RDX: variants seen among roughly 807,000 people sequenced by gnomAD.
The protein encoded by RDX is deafness, autosomal recessive 24.
RDX carries 32 observed loss-of-function variants against 83.7 expected under a neutral mutation model. The ratio of observed to expected loss-of-function variants is 0.38; its 90% CI spans 0.29 to 0.51. The LOEUF is 0.51. Ranked by LOEUF, RDX falls within the 20% of genes least tolerant of loss-of-function variation. The pLI is 0.87. For missense variants in RDX, 600 were observed against 689.9 expected (o/e 0.87, Z 1.46); for synonymous variants, 229 against 222.7 (o/e 1.03, Z -0.25).
intron 2 of RDX, among the ~76,000 whole-genome samples, chr11:110,279,271 G>A (rs972738869): frequency 2.0e-5 from 3 of 152,140 alleles, no homozygotes; most frequent in African/African-American, 7.2e-5. Context: ...GCAGAACCAA[G>A]GTAACAACTA....
chr11:110,247,208 T>C (rs1859147695), intron 10 of RDX, among the ~76,000 whole-genome samples: 2 of 152,208 alleles, frequency 1.3e-5, no homozygotes, highest in Admixed American at 6.5e-5. Context: ...AAAAACGTTA[T>C]AACACGTCTA....
chr11:110,269,905 G>A (rs1276813997), intron 3 of RDX, among the ~76,000 whole-genome samples: 1 of 152,104 alleles, frequency 6.6e-6, no homozygotes, highest in East Asian at 1.9e-4. Flanking sequence ...AGCCGGGCAT[G>A]GTGGAGCACA....
At chr11:110,209,163 T>C (rs576278242) in intron 14 of RDX, among the ~76,000 whole-genome samples, 30 of 152,164 alleles carry the variant, frequency 2.0e-4, no homozygotes, top group Admixed American at 3.9e-4. Context: ...GGGCGAGGCA[T>C]TGCCTCACTT....
chr11:110,267,111 C>A (rs1302554528), intron 3 of RDX, among the ~76,000 whole-genome samples: 1 of 152,044 alleles, frequency 6.6e-6, no homozygotes, highest in Non-Finnish European at 1.5e-5. Flanking sequence ...ACTATGTTGC[C>A]CAGGCTGGTC....
At chr11:110,278,565 AT>A (rs537252822) in intron 2 of RDX, among the ~76,000 whole-genome samples, 55 of 151,524 alleles carry the variant, frequency 3.6e-4, no homozygotes, top group African/African-American at 8.5e-4. Context: ...AAGGCCATTG[AT>A]TTTTTTTTAA....
At chr11:110,272,869 A>G in intron 2 of RDX, 2 of 518,476 alleles carry the variant, frequency 3.9e-6, no homozygotes, top group Non-Finnish European at 7.3e-6. Context: ...AGGAGATACT[A>G]CCTTTATTTC....
At chr11:110,246,478 A>C (rs1859110134) in intron 10 of RDX, among the ~76,000 whole-genome samples, 1 of 152,214 alleles carries the variant, frequency 6.6e-6, no homozygotes, top group South Asian at 2.1e-4. Flanking sequence ...CATGGCATTC[A>C]AAGAAAATGC....
chr11:110,237,858 A>G (rs1864926453), intron 10 of RDX: 1 of 637,904 alleles, frequency 1.6e-6, no homozygotes, highest in Non-Finnish European at 2.9e-6. Context: ...TGCAGCCTCG[A>G]ACTCATGGGC....
At chr11:110,193,764 A>G (rs1341163691) in intron 15 of RDX, among the ~76,000 whole-genome samples, 1 of 152,238 alleles carries the variant, frequency 6.6e-6, no homozygotes, top group Non-Finnish European at 1.5e-5. Context: ...ACTACTAATT[A>G]GTGGCAGAGC....
intron 15 of RDX, among the ~76,000 whole-genome samples, chr11:110,176,113 T>G (rs1862769299): frequency 6.7e-6 from 1 of 149,684 alleles, no homozygotes; most frequent in Non-Finnish European, 1.5e-5. Context: ...TGAGGCAGAG[T>G]CTCGCTCTGT....
At chr11:110,208,389 C>T (rs1863683000) in intron 14 of RDX, among the ~76,000 whole-genome samples, 1 of 152,200 alleles carries the variant, frequency 6.6e-6, no homozygotes, top group African/African-American at 2.4e-5. Context: ...TGGCCACCCT[C>T]CTCGCTGGCT....
At chr11:110,256,935 C>T (rs1859570041) in intron 7 of RDX, among the ~76,000 whole-genome samples, 1 of 151,828 alleles carries the variant, frequency 6.6e-6, no homozygotes, top group African/African-American at 2.4e-5. Flanking sequence ...ATTCTGGAGC[C>T]AACCTAGAAT....
chr11:110,260,835 C>T (rs1240743137), intron 5 of RDX, among the ~76,000 whole-genome samples: 2 of 152,208 alleles, frequency 1.3e-5, no homozygotes, highest in African/African-American at 4.8e-5. Context: ...ATTATTACTA[C>T]TATGTAGTAT....
chr11:110,203,573 A>G (rs1863493311), intron 14 of RDX, among the ~76,000 whole-genome samples: 1 of 152,080 alleles, frequency 6.6e-6, no homozygotes, highest in African/African-American at 2.4e-5. Flanking sequence ...GAGGGGATGG[A>G]TACCCCATTT....
intron 15 of RDX, among the ~76,000 whole-genome samples, chr11:110,194,409 G>A (rs566414815): frequency 6.6e-6 from 1 of 152,126 alleles, no homozygotes; most frequent in Non-Finnish European, 1.5e-5. Context: ...TAGTAGAGAC[G>A]GGGTTTTGCC....
At chr11:110,278,622 T>A (rs1860614591) in intron 2 of RDX, among the ~76,000 whole-genome samples, 1 of 152,174 alleles carries the variant, frequency 6.6e-6, no homozygotes, top group African/African-American at 2.4e-5. Flanking sequence ...TTATTGGTTC[T>A]AGTATTGTTT....
rs759999873 is a variant in RDX at position 110,264,802 on chromosome 11, T to C, written c.169A>G (p.Thr57Ala). The C allele has an allele frequency of 1.2e-6, 2 of 1,613,184 alleles. No individual in the cohort carries two copies. Among genetic ancestry groups the C allele is most frequent in the Non-Finnish European group, 8.5e-7 (1 of 1,179,304 alleles). Residue 57 changes from threonine (T) to alanine (A), a missense_variant, in exon 4 of 14, where the codon ACA (threonine) becomes GCA (alanine). Transcript: ENST00000645495. ...LQYVDSKGYSTWLKLNKKVTQ... is the reference protein window; with the variant it reads ...LQYVDSKGYSAWLKLNKKVTQ... ...ACCTTTTTATTTAGTTTAAGCCATG[T>C]AGAATAACCTTTGCTGTCTACATAC...
chr11:110,234,703 A>G (rs1464092018), intron 12 of RDX, among the ~76,000 whole-genome samples: 1 of 152,186 alleles, frequency 6.6e-6, no homozygotes, highest in Admixed American at 6.5e-5. Flanking sequence ...ATTCTAATAA[A>G]CAAGTAGAGT....
chr11:110,287,832 T>C (rs1008511606), intron 1 of RDX, among the ~76,000 whole-genome samples: 1 of 152,226 alleles, frequency 6.6e-6, no homozygotes, highest in Non-Finnish European at 1.5e-5. Context: ...ATAAATGACT[T>C]GCTCAATGTC....
Sources: allele counts gnomAD v4.1 joint callset (sites outside exome capture counted in the v4.1 genomes callset), GRCh38; gene constraint gnomAD v4.1.1; transcripts MANE v1.5; gene names NCBI Gene and HGNC (gene_info 2026-07-23, HGNC 2026-07-21).